PLD2: variants seen among roughly 807,000 people sequenced by gnomAD.
PLD2 encodes the protein choline phosphatase 2.
A neutral mutation model predicts 119.8 loss-of-function variants in PLD2; 101 were observed. The observed-to-expected ratio is 0.84, with a 90% confidence interval of 0.72 to 0.99. PLD2 has a LOEUF of 0.99. Ranked by LOEUF, PLD2 falls within the 50% of genes least tolerant of loss-of-function variation. PLD2 has a pLI of 0.00. For synonymous variants in PLD2, 494 were observed against 482.8 expected, an observed-to-expected ratio of 1.02 and a Z score of -0.30; for missense variants, 1,164 against 1,226.8, an observed-to-expected ratio of 0.95 and a Z score of 0.76.
At position 4,822,877 on chromosome 17, in the gene PLD2, T is replaced by C; in HGVS notation, c.*13T>C. ...AGTGTGGACATAGTTGAGGCCCCCG[T>C]CAGGGAGAGGTCACCAGCTGCTGTG... is the stretch of plus-strand genomic sequence containing the variant. On this transcript the variant is annotated 3_prime_UTR_variant, in exon 25 of 25. Coordinates refer to ENST00000263088, the MANE Select transcript of PLD2 (RefSeq NM_002663.5). 6.8e-7 allele frequency: 1 copy of C among 1,471,720 alleles called. No homozygotes were observed. The highest frequency in any genetic ancestry group is 1.2e-5 in the South Asian group (1 of 86,904). 91.2% of individuals were successfully genotyped at this position (1,471,720 alleles called of 1,614,324 possible).
chr17:4,818,377 G>A lies in PLD2; in HGVS notation c.2001G>A (p.Lys667=), dbSNP rs779454523. The change falls in exon 19 of 25, where the codon AAG becomes AAA. Residue 667 remains lysine, a synonymous_variant. Coordinates refer to ENST00000263088, the MANE Select transcript of PLD2 (RefSeq NM_002663.5). ...ATGAGATTGTGGACAGAATCCTGAA[G>A]GCCCACAAGTAAGGTGGACTGTCAG... ...VGDEIVDRIL[K]AHKQGWCYRV... is the part of the protein sequence containing the mutation. The A allele has an allele frequency of 5.0e-6, 8 of 1,614,038 alleles. No homozygotes were observed. The South Asian group carries it at 8.8e-5, about 18-fold the overall frequency.
At position 4,808,965 on chromosome 17, in the gene PLD2, A is replaced by G. The variant is rs1401361296; in HGVS notation, c.384-135A>G. 2 of 694,602 alleles carry G rather than the reference A, an allele frequency of 2.9e-6. No individual in the cohort carries two copies. The highest frequency in any genetic ancestry group is 5.1e-6 in the Non-Finnish European group (2 of 393,126). 43.0% of individuals were successfully genotyped at this position (694,602 alleles called of 1,614,324 possible). The stretch of plus-strand genomic sequence containing the variant: ...TGCTGCGGCCTCCCCAAGTGCTGGG[A>G]TTCCAGGCGTGAGCCACCACGCCTG... On this transcript the variant is annotated intron_variant, in intron 4 of 24. Transcript: ENST00000263088. This position sits in a 1 kb window ranked among gnomAD's most constrained non-coding sequence, Gnocchi z 4.1.
intron 18 of PLD2, 70 bp from the exon 19 acceptor site, chr17:4,818,227 A>T (rs1293343541): frequency 1.4e-6 from 2 of 1,469,206 alleles, no homozygotes; most frequent in East Asian, 2.3e-5. Context: ...GGAGCCTGGG[A>T]CCAAGGCTGG....
chr17:4,808,325 T>C lies in PLD2; in HGVS notation c.292T>C (p.Trp98Arg). 6.2e-7 allele frequency: 1 copy of C among 1,614,122 alleles called. No individual in the cohort carries two copies. The highest frequency in any genetic ancestry group is 8.5e-7 in the Non-Finnish European group (1 of 1,179,982). ...CCGCTTGACTCACGGCGACTTTTCC[T>C]GGACAACCAAGAAGAAATACCGTCA... ...SVRLTHGDFS[W>R]TTKKKYRHFQ... The change falls in exon 4 of 25, where the codon TGG becomes CGG. Residue 98 changes from tryptophan (W) to arginine (R), a missense_variant. Trp to Arg is a moderately radical substitution (Grantham distance 101, BLOSUM62 -3). Transcript: ENST00000263088. The surrounding 1 kb of genome is among the most constrained non-coding windows in gnomAD (Gnocchi z 4.1).
Position 4,809,702 on chromosome 17 carries a change from T to C in PLD2, c.626T>C (p.Ile209Thr), listed in dbSNP as rs754515103. 36 of 1,614,042 alleles carry C rather than the reference T, an allele frequency of 2.2e-5. No individual in the cohort carries two copies. Among genetic ancestry groups the C allele is most frequent in the Non-Finnish European group, 2.6e-5 (31 of 1,180,044 alleles). Residue 209 changes from isoleucine (I) to threonine (T), a missense_variant, in exon 8 of 25, where the codon ATC (isoleucine) becomes ACC (threonine). Ile to Thr is a moderately conservative substitution (Grantham distance 89). Transcript: ENST00000263088. ...TGATTGTCCCACAGGGAGGGGATGA[T>C]CCGGAAGCGCTCAGGTGGCCACCGT... ...DLGRKGLEGM[I>T]RKRSGGHRVP... is the part of the protein sequence containing the mutation.
In PLD2 at chr17:4,807,858, C is replaced by T; in HGVS notation, c.86C>T (p.Thr29Ile). The T allele has an allele frequency of 6.2e-7, 1 of 1,613,228 alleles. No homozygotes were observed. The highest frequency in any genetic ancestry group is 8.5e-7 in the Non-Finnish European group (1 of 1,179,560). Residue 29 changes from threonine to isoleucine, a missense_variant, in exon 2 of 25, where the codon ACC (threonine) becomes ATC (isoleucine). By Grantham distance (89) the Thr-to-Ile change is moderately conservative (BLOSUM62 -1). Transcript: ENST00000263088. The surrounding 1 kb of genome is among the most constrained non-coding windows in gnomAD (Gnocchi z 5.4). The stretch of plus-strand genomic sequence containing the variant: ...CAGATGGAGTCCGATGAGGTGGACA[C>T]CCTGAAGGAGGGAGAGGACCCAGGT... ...QLQMESDEVD[T>I]LKEGEDPADR... is the part of the protein sequence containing the mutation.
chr17:4,816,763 G>A lies in PLD2; in HGVS notation c.1582+17G>A, dbSNP rs760492652. ...CTTTCGAAGGTGAAGCCTCCCACCCGCCAAAGCCCCAGAGAGCTGAGAGCA... is the reference window on the plus strand; with the variant it reads ...CTTTCGAAGGTGAAGCCTCCCACCCACCAAAGCCCCAGAGAGCTGAGAGCA... On this transcript the variant is annotated intron_variant, in intron 15 of 24. Coordinates refer to ENST00000263088, the MANE Select transcript of PLD2 (RefSeq NM_002663.5). 13 of 1,614,014 alleles carry A rather than the reference G, an allele frequency of 8.1e-6. No homozygotes were observed. Among genetic ancestry groups the A allele is most frequent in the African/African-American group, 6.7e-5 (5 of 74,928 alleles).
intron 10 of PLD2, among the ~76,000 whole-genome samples, chr17:4,811,466 G>T (rs953009038): frequency 0.21 from 8 of 38 alleles, no homozygotes; most frequent in Non-Finnish European, 0.3. Flanking sequence ...TAGTAGAGAC[G>T]GGGGTTTCAC....
At chr17:4,817,948 A>T (rs1399706286) in intron 17 of PLD2, 54 bp from the exon 18 acceptor site, 1 of 1,263,556 alleles carries the variant, frequency 7.9e-7, no homozygotes, top group African/African-American at 1.5e-5. Flanking sequence ...ACAGAGCGAG[A>T]CTCTGTCTTA....
rs774617150 is a variant in PLD2 at position 4,816,943 on chromosome 17, T to C, written c.1589T>C (p.Ile530Thr). ...VQLDRPFEDF[I>T]DRETTPRMPW... ...CTCTCCTGGGACCCCCCAGATTTCA[T>C]TGACAGGGAGACGACCCCTCGGATG... The change falls in exon 16 of 25, where the codon ATT becomes ACT. Residue 530 changes from isoleucine (I) to threonine (T), a missense_variant. Transcript: ENST00000263088. The C allele has an allele frequency of 1.4e-5, 23 of 1,612,492 alleles. No individual in the cohort carries two copies. Among genetic ancestry groups the C allele is most frequent in the South Asian group, 5.5e-5 (5 of 90,902 alleles).
chr17:4,812,647 G>T (rs1906594673), intron 10 of PLD2, among the ~76,000 whole-genome samples: 1 of 152,140 alleles, frequency 6.6e-6, no homozygotes, highest in Non-Finnish European at 1.5e-5. Context: ...CAGATCAGCA[G>T]TTGCCTGTGG....
Position 4,808,098 on chromosome 17 carries a change from A to G in PLD2, c.224A>G (p.Tyr75Cys), listed in dbSNP as rs1421473073. 2.5e-6 allele frequency: 4 copies of G among 1,610,418 alleles called. No homozygotes were observed. The highest frequency in any genetic ancestry group is 3.4e-6 in the Non-Finnish European group (4 of 1,177,044). The change falls in exon 3 of 25, where the codon TAT becomes TGT. Residue 75 changes from tyrosine (Y) to cysteine (C), a missense_variant. Physicochemically the swap from Tyr to Cys is radical, Grantham distance 194. Coordinates refer to ENST00000263088, the MANE Select transcript of PLD2 (RefSeq NM_002663.5). This position sits in a 1 kb window ranked among gnomAD's most constrained non-coding sequence, Gnocchi z 4.1. Reference protein sequence around the residue: ...VTAQVVGTERYTSGSKVGTCT... With the variant: ...VTAQVVGTERCTSGSKVGTCT... ...GCCCAGGTGGTGGGCACCGAAAGAT[A>G]TACCAGCGGATCCAAGGTGGCCAGA...
rs1412982281 is a variant in PLD2 at position 4,808,270 on chromosome 17, C to T, written c.241-4C>T. 1 of 1,613,794 alleles carries T rather than the reference C, an allele frequency of 6.2e-7. No homozygotes were observed. Among genetic ancestry groups the T allele is most frequent in the South Asian group, 1.1e-5 (1 of 91,064 alleles). ...GACATCCATTCAGTTCCTCATACCC[C>T]TAGGTGGGAACCTGCACTCTGTATT... On this transcript the variant is annotated splice_polypyrimidine_tract_variant and splice_region_variant and intron_variant, in intron 3 of 24. Coordinates refer to ENST00000263088, the MANE Select transcript of PLD2 (RefSeq NM_002663.5). This position sits in a 1 kb window ranked among gnomAD's most constrained non-coding sequence, Gnocchi z 4.1.
At position 4,809,123 on chromosome 17, in the gene PLD2, C is replaced by T. The variant is rs1458319184; in HGVS notation, c.407C>T (p.Ala136Val). 2.5e-6 allele frequency: 4 copies of T among 1,614,094 alleles called. No homozygotes were observed. The highest frequency in any genetic ancestry group is 2.5e-6 in the Non-Finnish European group (3 of 1,179,940). ...LARFAVAYSPARDAGNREMPS... is the reference protein window; with the variant it reads ...LARFAVAYSPVRDAGNREMPS... ...AGATTTGCCGTTGCCTATTCTCCAG[C>T]CCGAGATGCAGGCAACAGAGAGATG... The change falls in exon 5 of 25, where the codon GCC (alanine) becomes GTC (valine). Residue 136 changes from alanine (A) to valine (V), a missense_variant. Coordinates refer to ENST00000263088, the MANE Select transcript of PLD2 (RefSeq NM_002663.5).
chr17:4,810,386 T>G (rs1750746140), intron 9 of PLD2, among the ~76,000 whole-genome samples: 1 of 152,170 alleles, frequency 6.6e-6, no homozygotes, highest in South Asian at 2.1e-4. Context: ...GGCTCACACC[T>G]ACAATCCCAG....
At position 4,814,486 on chromosome 17, in the gene PLD2, T is replaced by G; in HGVS notation, c.1079T>G (p.Phe360Cys). ...ATCCTTCGAGCTCAAGAGGAGATTT[T>G]CATCACAGACTGGTGGTGAGTGGGA... Reference protein sequence around the residue: ...DAILRAQEEIFITDWWLSPEV... With the variant: ...DAILRAQEEICITDWWLSPEV... Residue 360 changes from phenylalanine (F) to cysteine (C), a missense_variant, in exon 11 of 25, where the codon TTC becomes TGC. Coordinates refer to ENST00000263088, the MANE Select transcript of PLD2 (RefSeq NM_002663.5). 2 of 1,613,520 alleles carry G rather than the reference T, an allele frequency of 1.2e-6. No individual in the cohort carries two copies. Among genetic ancestry groups the G allele is most frequent in the African/African-American group, 1.3e-5 (1 of 75,028 alleles).
In PLD2 at chr17:4,816,928, A is replaced by AC. The variant is rs753172496; in HGVS notation, c.1583-3dup. ...TGACATCTCCCCTGACTCTCCTGGG[A>AC]CCCCCCAGATTTCATTGACAGGGAG... On this transcript the variant is annotated splice_polypyrimidine_tract_variant and intron_variant, in intron 15 of 24. Coordinates refer to ENST00000263088, the MANE Select transcript of PLD2 (RefSeq NM_002663.5). The AC allele has an allele frequency of 1.7e-5, 28 of 1,607,016 alleles. No individual in the cohort carries two copies. The highest frequency in any genetic ancestry group is 1.6e-4 in the African/African-American group (12 of 74,312).
chr17:4,817,319 C>A (rs894986701), intron 17 of PLD2, 60 bp downstream of exon 17: 8 of 1,069,626 alleles, frequency 7.5e-6, no homozygotes, highest in Non-Finnish European at 1.2e-5. Context: ...ACACCCCAAC[C>A]CACTCTCCCT....
rs905652518 is a variant in PLD2 at position 4,819,888 on chromosome 17, C to T, written c.2462+306C>T. ...TGGCGGGCGCCTGTGATCCCAGCTA[C>T]TAGGACTAATCAGTTTAGAGTATCA... On this transcript the variant is annotated intron_variant, in intron 23 of 24. Coordinates refer to ENST00000263088, the MANE Select transcript of PLD2 (RefSeq NM_002663.5). This position sits in a 1 kb window ranked among gnomAD's most constrained non-coding sequence, Gnocchi z 4.2. Among the ~76,000 whole-genome samples, 1 of 152,054 alleles carries T rather than the reference C, an allele frequency of 6.6e-6. No homozygotes were observed. Among genetic ancestry groups the T allele is most frequent in the African/African-American group, 2.4e-5 (1 of 41,410 alleles).
Sources: gnomAD v4.1 joint callset for allele counts (sites outside exome capture counted in the v4.1 genomes callset) on GRCh38, gnomAD v4.1.1 for gene constraint, Gnocchi (gnomAD v3.1) non-coding constraint, MANE v1.5 for transcripts, NCBI Gene and HGNC (gene_info 2026-07-23, HGNC 2026-07-21) for gene names.